The following PTPRD variants were observed in gnomAD, a reference collection of about 807,000 sequenced individuals.
PTPRD encodes the protein receptor-type tyrosine-protein phosphatase delta.
In PTPRD, 34 loss-of-function variants were observed where a neutral mutation model predicts 214.5. The ratio of observed to expected loss-of-function variants is 0.16; its 90% CI spans 0.12 to 0.21. The LOEUF is 0.21. PTPRD is among the 10% of genes least tolerant of loss of function. The probability of loss-of-function intolerance (pLI) is 1.00; values close to 1 mark genes in which losing one functional copy is unlikely to be tolerated. For missense variants in PTPRD, 2,545 were observed against 2,398.7 expected, an observed-to-expected ratio of 1.06 and a Z score of -1.27; for synonymous variants, 1,128 against 845.7, an observed-to-expected ratio of 1.33 and a Z score of -5.79.
At chr9:8,522,371 G>A (rs2097908938) in intron 19 of PTPRD, among the ~76,000 whole-genome samples, 1 of 152,160 alleles carries the variant, frequency 6.6e-6, no homozygotes, top group South Asian at 2.1e-4. Flanking sequence ...CAGGGACTTA[G>A]GGGATGACAG....
At chr9:9,106,317 C>T (rs1295087966) in intron 10 of PTPRD, among the ~76,000 whole-genome samples, 2 of 151,774 alleles carry the variant, frequency 1.3e-5, no homozygotes, top group Non-Finnish European at 2.9e-5. Context: ...AATATTAATA[C>T]AATAATAACA....
intron 21 of PTPRD, among the ~76,000 whole-genome samples, chr9:8,511,059 C>T (rs2097669650): frequency 6.6e-6 from 1 of 151,604 alleles, no homozygotes; most frequent in Admixed American, 6.6e-5. Flanking sequence ...TATTTACCTA[C>T]ATTTTATTTA....
At chr9:9,938,458 C>T (rs2090341443) in intron 5 of PTPRD, 49 bp downstream of exon 5, 1 of 152,088 alleles carries the variant, frequency 6.6e-6, no homozygotes, top group Non-Finnish European at 1.5e-5. Context: ...CCAAAAAATA[C>T]ACATCTTGTG....
chr9:8,368,121 C>T (rs1403279320), intron 39 of PTPRD, among the ~76,000 whole-genome samples: 1 of 152,096 alleles, frequency 6.6e-6, no homozygotes, highest in Non-Finnish European at 1.5e-5. Context: ...GACAGTTCTA[C>T]CCCCATTTGT....
chr9:9,243,471 CA>C (rs2131121532), intron 9 of PTPRD, among the ~76,000 whole-genome samples: 2 of 152,266 alleles, frequency 1.3e-5, no homozygotes, highest in South Asian at 4.1e-4. Flanking sequence ...CCCTCGGATG[CA>C]AGGCTGGTTC....
At chr9:10,576,971 T>G (rs1397641211) in intron 2 of PTPRD, among the ~76,000 whole-genome samples, 1 of 151,728 alleles carries the variant, frequency 6.6e-6, no homozygotes, top group African/African-American at 2.4e-5. Context: ...ATTTCTACTT[T>G]TTTTTTTAAC....
intron 12 of PTPRD, among the ~76,000 whole-genome samples, chr9:8,650,005 C>T (rs1338338823): frequency 1.3e-5 from 2 of 152,070 alleles, no homozygotes; most frequent in African/African-American, 4.8e-5. Flanking sequence ...GCAGCCTCCA[C>T]CTCCTGGGCT....
At chr9:9,138,019 A>G (rs2099853672) in intron 10 of PTPRD, among the ~76,000 whole-genome samples, 1 of 152,308 alleles carries the variant, frequency 6.6e-6, no homozygotes, top group African/African-American at 2.4e-5. Context: ...TGAAAATGAT[A>G]AAGATGTTAA....
At chr9:10,060,831 C>CTTT (rs2097755303) in intron 3 of PTPRD, among the ~76,000 whole-genome samples, 3 of 91,808 alleles carry the variant, frequency 3.3e-5, no homozygotes, top group African/African-American at 1.5e-4. Context: ...TTTCTTTCTT[C>CTTT]CTTCCTTCCT....
chr9:8,525,912 T>C (rs1240396537), intron 17 of PTPRD, among the ~76,000 whole-genome samples: 1 of 150,300 alleles, frequency 6.7e-6, no homozygotes, highest in African/African-American at 2.4e-5. Context: ...CCAAGAATAC[T>C]GAGCACCTTT....
At chr9:8,466,032 G>A (rs2096538187) in intron 31 of PTPRD, among the ~76,000 whole-genome samples, 1 of 151,826 alleles carries the variant, frequency 6.6e-6, no homozygotes, top group African/African-American at 2.4e-5. Flanking sequence ...GCCTTGCCCT[G>A]CAGGAGATTT....
intron 11 of PTPRD, among the ~76,000 whole-genome samples, chr9:8,897,527 A>G (rs1019896501): frequency 6.6e-6 from 1 of 152,196 alleles, no homozygotes; most frequent in Admixed American, 6.5e-5. Flanking sequence ...CTGGACCTAG[A>G]GAGTTTTGAT....
intron 11 of PTPRD, among the ~76,000 whole-genome samples, chr9:8,774,922 A>G (rs545346293): frequency 1.8e-4 from 27 of 152,332 alleles, no homozygotes; most frequent in African/African-American, 6.3e-4. Context: ...ATATGGTGCC[A>G]TATTTTCAAT....
At chr9:8,853,369 T>C (rs1171543780) in intron 11 of PTPRD, among the ~76,000 whole-genome samples, 1 of 152,200 alleles carries the variant, frequency 6.6e-6, no homozygotes, top group Non-Finnish European at 1.5e-5. Flanking sequence ...CTTTTAGCTA[T>C]CTTTCTTAAG....
chr9:10,160,593 T>C lies in PTPRD; in HGVS notation c.-544-126803A>G, dbSNP rs2099121755. The stretch of plus-strand genomic sequence containing the variant: ...AAACATACCTCATGAAAATAAAGGC[T>C]ATGTAAGCCAAGCCCACAGCTAACC... On this transcript the variant is annotated intron_variant, in intron 3 of 45. Transcript: ENST00000381196. 2.0e-5 allele frequency among the ~76,000 whole-genome samples: 3 copies of C among 152,022 alleles called. No homozygotes were observed. In the South Asian group the frequency reaches 6.2e-4, roughly 31 times the overall value.
Position 9,772,806 on chromosome 9 carries a change from T to G in PTPRD, c.-367-5955A>C, listed in dbSNP as rs112164153. On this transcript the variant is annotated intron_variant, in intron 5 of 45. Transcript: ENST00000381196. The stretch of plus-strand genomic sequence containing the variant: ...TGGCACTATAAATTGAAAAGCAATT[T>G]ACAAGCTTGCATCAAAGTCTTAAAA... Among the ~76,000 whole-genome samples, 724 of 152,318 alleles carry G rather than the reference T, an allele frequency of 4.8e-3. 6 individuals are homozygous for G. The highest frequency in any genetic ancestry group is 0.017 in the African/African-American group (692 of 41,584).
At chr9:8,553,795 T>A (rs1436096482) in intron 14 of PTPRD, among the ~76,000 whole-genome samples, 1 of 152,226 alleles carries the variant, frequency 6.6e-6, no homozygotes, top group African/African-American at 2.4e-5. Context: ...ATGACCTTGT[T>A]GTTTGCCTGT....
At chr9:9,618,354 T>C (rs2095031301) in intron 7 of PTPRD, among the ~76,000 whole-genome samples, 1 of 151,892 alleles carries the variant, frequency 6.6e-6, no homozygotes, top group African/African-American at 2.4e-5. Context: ...GACTACACTT[T>C]AACCTCTTTT....
At chr9:9,345,862 G>A (rs1257859981) in intron 9 of PTPRD, among the ~76,000 whole-genome samples, 1 of 152,114 alleles carries the variant, frequency 6.6e-6, no homozygotes, top group Non-Finnish European at 1.5e-5. Context: ...AACATAAAGT[G>A]CCTGGTACAT....
Sources: allele counts gnomAD v4.1 joint callset (sites outside exome capture counted in the v4.1 genomes callset), GRCh38; gene constraint gnomAD v4.1.1; transcripts MANE v1.5; gene names NCBI Gene and HGNC (gene_info 2026-07-23, HGNC 2026-07-21).